Variants in MAP3K3 observed in about 807,000 individuals in gnomAD.
MAP3K3 encodes MAP/ERK kinase kinase 3.
Under a neutral mutation model 80.9 loss-of-function variants are expected in MAP3K3, and 12 were observed. The ratio of observed to expected loss-of-function variants is 0.15; its 90% confidence interval spans 0.10 to 0.24. The LOEUF is 0.24. Ranked by LOEUF, MAP3K3 falls within the 10% of genes least tolerant of loss-of-function variation. The pLI is 1.00. For synonymous variants in MAP3K3, 272 were observed against 307.1 expected, an observed-to-expected ratio of 0.89 and a Z score of 1.19; for missense variants, 596 against 834.7, an observed-to-expected ratio of 0.71 and a Z score of 3.52.
intron 4 of MAP3K3, 58 bp downstream of exon 4, chr17:63,652,714 C>G (rs2034683261): frequency 1.8e-6 from 2 of 1,121,134 alleles, no homozygotes; most frequent in South Asian, 1.3e-5. Flanking sequence ...CCTTTTTTCT[C>G]TCTGTTTACC....
At chr17:63,656,247 A>G (rs56807307) in intron 4 of MAP3K3, among the ~76,000 whole-genome samples, 1,880 of 151,398 alleles carry the variant, frequency 0.012, 43 homozygotes, top group African/African-American at 0.043. Flanking sequence ...AAAATCTTGT[A>G]TTATAAATTG....
intron 12 of MAP3K3, 45 bp downstream of exon 12, chr17:63,690,457 A>G (rs763615408): frequency 2.9e-5 from 46 of 1,595,338 alleles, no homozygotes; most frequent in Non-Finnish European, 3.7e-5. Context: ...CCTTTCAACA[A>G]AAATGCCTGT....
At chr17:63,655,928 T>A (rs1381091759) in intron 4 of MAP3K3, among the ~76,000 whole-genome samples, 1 of 152,160 alleles carries the variant, frequency 6.6e-6, no homozygotes, top group East Asian at 1.9e-4. Context: ...GAGATTTTAT[T>A]TTAAATATGT....
intron 3 of MAP3K3, among the ~76,000 whole-genome samples, chr17:63,650,658 TAG>T (rs61412799): frequency 0.23 from 27,307 of 116,870 alleles, 2,656 homozygotes; most frequent in Middle Eastern, 0.3. Context: ...CTGTCTCTTA[TAG>T]AGAGAGAGAG....
intron 7 of MAP3K3, among the ~76,000 whole-genome samples, chr17:63,683,210 T>C (rs1391695071): frequency 6.6e-6 from 1 of 152,250 alleles, no homozygotes; most frequent in South Asian, 2.1e-4. Context: ...TCTTTCATTA[T>C]TCAAACTATG....
chr17:63,634,718 A>G (rs772138667), intron 2 of MAP3K3: 1 of 1,613,034 alleles, frequency 6.2e-7, no homozygotes, highest in South Asian at 1.1e-5. Context: ...GAAAAAACAC[A>G]ACAGCAGCAG....
At chr17:63,622,818 C>A in intron 1 of MAP3K3, 55 bp downstream of exon 1, 1 of 446,798 alleles carries the variant, frequency 2.2e-6, no homozygotes, top group Non-Finnish European at 4.4e-6. Flanking sequence ...ACGCCCCGCC[C>A]CAGGCTGAGG....
intron 1 of MAP3K3, among the ~76,000 whole-genome samples, chr17:63,632,197 A>C (rs2143173974): frequency 6.6e-6 from 1 of 152,252 alleles, no homozygotes; most frequent in African/African-American, 2.4e-5. Context: ...CTATTAAGAA[A>C]CCATTAAAGG....
Position 63,695,120 on chromosome 17 carries a change from G to T in MAP3K3, c.*1343G>T, listed in dbSNP as rs1031819313. 1 of 151,818 alleles carries T rather than the reference G, an allele frequency of 6.6e-6. No homozygotes were observed. The highest frequency in any genetic ancestry group is 1.5e-5 in the Non-Finnish European group (1 of 67,954). The allele number at this position is 151,818 out of a possible 1,614,324, so 9.4% of individuals were successfully genotyped here. Reference sequence around the variant, plus strand: ...AAAAAAAAAAAAAGCCAGTGCCCAGGGATGGGCATCTCCAGGGAGCTGGGG... The same window carrying T: ...AAAAAAAAAAAAAGCCAGTGCCCAGTGATGGGCATCTCCAGGGAGCTGGGG... On this transcript the variant is annotated 3_prime_UTR_variant, in exon 16 of 16. Coordinates refer to ENST00000361733, the MANE Select transcript of MAP3K3 (RefSeq NM_002401.5). This position sits in a 1 kb window ranked among gnomAD's most constrained non-coding sequence, Gnocchi z 4.1.
chr17:63,631,858 G>C (rs2034222647), intron 1 of MAP3K3, among the ~76,000 whole-genome samples: 1 of 152,150 alleles, frequency 6.6e-6, no homozygotes, highest in Admixed American at 6.5e-5. Flanking sequence ...GGGGTTGCTG[G>C]TGGTGGCGGC....
At chr17:63,656,086 C>A (rs773404820) in intron 4 of MAP3K3, among the ~76,000 whole-genome samples, 2 of 151,668 alleles carry the variant, frequency 1.3e-5, no homozygotes, top group Non-Finnish European at 2.9e-5. Flanking sequence ...AAAAATTAGT[C>A]GGGTGTGGTG....
intron 2 of MAP3K3, among the ~76,000 whole-genome samples, chr17:63,644,264 G>T (rs2034499766): frequency 6.6e-6 from 1 of 152,264 alleles, no homozygotes; most frequent in South Asian, 2.1e-4. Context: ...ACCCAGACTG[G>T]AGTGCAACAG....
In MAP3K3 at chr17:63,653,918, G is replaced by A. The variant is rs1190903291; in HGVS notation, c.267+1262G>A. Among the ~76,000 whole-genome samples, 2 of 152,072 alleles carry A rather than the reference G, an allele frequency of 1.3e-5. 1 individual carries two copies. The highest frequency in any genetic ancestry group is 3.9e-4 in the East Asian group (2 of 5,192). ...GTCTTGCTCTGTCGCCCATGCTGGA[G>A]TGCAGTGGTGCAAACACGGCTCACT... is the stretch of plus-strand genomic sequence containing the variant. On this transcript the variant is annotated intron_variant, in intron 4 of 15. Transcript: ENST00000361733.
chr17:63,656,279 A>G (rs1239379529), intron 4 of MAP3K3, among the ~76,000 whole-genome samples: 1 of 151,330 alleles, frequency 6.6e-6, no homozygotes, highest in Non-Finnish European at 1.5e-5. Context: ...AGTTAATTGG[A>G]CTTTTGCTTG....
chr17:63,691,967 T>C lies in MAP3K3; in HGVS notation c.1474+105T>C. The stretch of plus-strand genomic sequence containing the variant: ...TAACCATTCTGAACTTTCTGAAAAG[T>C]GGGACCCCAGTTGTTTCCCTGAGGA... On this transcript the variant is annotated intron_variant, in intron 14 of 15. Coordinates refer to ENST00000361733, the MANE Select transcript of MAP3K3 (RefSeq NM_002401.5). This position sits in a 1 kb window ranked among gnomAD's most constrained non-coding sequence, Gnocchi z 4.8. 7.5e-7 allele frequency: 1 copy of C among 1,331,830 alleles called. No homozygotes were observed. The highest frequency in any genetic ancestry group is 2.0e-5 in the Admixed American group (1 of 48,874). The allele number at this position is 1,331,830 out of a possible 1,614,324, so 82.5% of individuals were successfully genotyped here.
rs1049045855 is a variant in MAP3K3 at position 63,689,863 on chromosome 17, G to T, written c.1063+128G>T. 19 of 830,396 alleles carry T rather than the reference G, an allele frequency of 2.3e-5. No homozygotes were observed. In the African/African-American group the frequency reaches 3.3e-4, roughly 14 times the overall value. 51.4% of individuals were successfully genotyped at this position (830,396 alleles called of 1,614,324 possible). Reference sequence around the variant, plus strand: ...TGGCTTTGGCCCAAATGCACCACATGGGATAAGCCTTGGAGTGTCTGAAGC... The same window carrying T: ...TGGCTTTGGCCCAAATGCACCACATTGGATAAGCCTTGGAGTGTCTGAAGC... On this transcript the variant is annotated intron_variant, in intron 11 of 15. Coordinates refer to ENST00000361733, the MANE Select transcript of MAP3K3 (RefSeq NM_002401.5). This position sits in a 1 kb window ranked among gnomAD's most constrained non-coding sequence, Gnocchi z 4.3.
At chr17:63,678,354 A>G (rs1229691607) in intron 6 of MAP3K3, among the ~76,000 whole-genome samples, 4 of 152,206 alleles carry the variant, frequency 2.6e-5, no homozygotes, top group Admixed American at 2.0e-4. Context: ...AGGACTTAGA[A>G]AATAGGACAA....
At chr17:63,658,397 T>TA (rs1277016481) in intron 5 of MAP3K3, among the ~76,000 whole-genome samples, 1 of 152,208 alleles carries the variant, frequency 6.6e-6, no homozygotes, top group African/African-American at 2.4e-5. Context: ...GGGCCTCTTA[T>TA]AACTTATCAG....
At chr17:63,670,444 A>G (rs1483007403) in intron 6 of MAP3K3, among the ~76,000 whole-genome samples, 2 of 152,054 alleles carry the variant, frequency 1.3e-5, no homozygotes, top group African/African-American at 4.8e-5. Flanking sequence ...TTAGCTGGGC[A>G]TGATGGTGAG....
Sources: allele counts gnomAD v4.1 joint callset (sites outside exome capture counted in the v4.1 genomes callset), GRCh38; gene constraint gnomAD v4.1.1; non-coding constraint Gnocchi (gnomAD v3.1); transcripts MANE v1.5; gene names NCBI Gene and HGNC (gene_info 2026-07-23, HGNC 2026-07-21).